Variants in MYO6 observed in about 807,000 individuals in gnomAD.
MYO6 encodes the protein myosin VI, also known as unconventional myosin-VI.
In MYO6, 74 loss-of-function variants were observed where a neutral mutation model predicts 178.7. The observed-to-expected ratio is 0.41, with a 90% CI of 0.34 to 0.50. The LOEUF (loss-of-function observed/expected upper bound fraction) is 0.50, where lower values mean the gene tolerates loss of function less well. MYO6 is among the 20% of genes least tolerant of loss of function. The probability of loss-of-function intolerance (pLI) is 0.09; values close to 1 mark genes in which losing one functional copy is unlikely to be tolerated. For synonymous variants in MYO6, 477 were observed against 504.6 expected (o/e 0.95, Z 0.73); for missense variants, 1,330 against 1,547.4 (o/e 0.86, Z 2.36).
chr6:75,798,388 G>A (rs932252532), intron 1 of MYO6, among the ~76,000 whole-genome samples: 3 of 152,066 alleles, frequency 2.0e-5, no homozygotes, highest in East Asian at 1.9e-4. Context: ...GTAGCCTTCC[G>A]TATAGTTTGA....
chr6:75,811,706 T>C (rs1366214053), intron 1 of MYO6, among the ~76,000 whole-genome samples: 1 of 152,244 alleles, frequency 6.6e-6, no homozygotes, highest in East Asian at 1.9e-4. Context: ...CTCCTGTCTA[T>C]TCTGTAATTT....
chr6:75,763,183 C>G (rs371014994), intron 1 of MYO6, among the ~76,000 whole-genome samples: 5 of 152,082 alleles, frequency 3.3e-5, no homozygotes, highest in African/African-American at 1.2e-4. Flanking sequence ...CCTGCCACGC[C>G]TGGTTAATTC....
chr6:75,823,029 A>AT (rs1772066419), intron 3 of MYO6, among the ~76,000 whole-genome samples, 178 bp downstream of exon 3: 1 of 152,300 alleles, frequency 6.6e-6, no homozygotes, highest in African/African-American at 2.4e-5. Flanking sequence ...TCACATTTGC[A>AT]TTTTGGTGAA....
intron 1 of MYO6, among the ~76,000 whole-genome samples, chr6:75,777,016 C>A (rs557880161): frequency 6.6e-6 from 1 of 152,194 alleles, no homozygotes; most frequent in East Asian, 1.9e-4. Context: ...GATAGGTATT[C>A]AGATGGTTTG....
chr6:75,879,683 CTA>C, intron 20 of MYO6, 135 bp from the exon 21 acceptor site: 11 of 1,163,960 alleles, frequency 9.5e-6, no homozygotes, highest in Non-Finnish European at 1.4e-5. Context: ...AAATATTTTC[CTA>C]TATAATATTT....
chr6:75,911,249 T>C (rs571776637), intron 32 of MYO6, among the ~76,000 whole-genome samples: 11 of 152,028 alleles, frequency 7.2e-5, no homozygotes, highest in Non-Finnish European at 1.6e-4. Flanking sequence ...AAACATACTG[T>C]TACCAAAACG....
chr6:75,910,949 G>A (rs1039998012), intron 32 of MYO6, among the ~76,000 whole-genome samples: 2 of 151,978 alleles, frequency 1.3e-5, no homozygotes, highest in Admixed American at 6.6e-5. Flanking sequence ...ATGTAGCTTC[G>A]TATTGTTGAC....
chr6:75,767,693 A>G (rs1350266247), intron 1 of MYO6, among the ~76,000 whole-genome samples: 1 of 151,136 alleles, frequency 6.6e-6, no homozygotes, highest in Non-Finnish European at 1.5e-5. Flanking sequence ...TAATTTTTGT[A>G]TTTTTGTAGT....
chr6:75,907,816 G>GTGTA lies in MYO6; in HGVS notation c.3280+109_3280+110insGTAT, dbSNP rs1354694217. 2.8e-4 allele frequency: 218 copies of GTGTA among 776,336 alleles called. No homozygotes were observed. In the African/African-American group the frequency reaches 3.5e-3, roughly 13 times the overall value. The allele number at this position is 776,336 out of a possible 1,614,324, so 48.1% of individuals were successfully genotyped here. A position where few individuals can be genotyped will look rare whatever the true frequency, so the allele number is the denominator to read the frequency against. On this transcript the variant is annotated intron_variant, in intron 31 of 34. Coordinates refer to ENST00000369977, the MANE Select transcript of MYO6 (RefSeq NM_004999.4). ...TGTATGTGTGTGTGTGTGTGTGTGT[G>GTGTA]TATGTGTGTATGTACATATAATACC... is the stretch of plus-strand genomic sequence containing the variant.
intron 1 of MYO6, among the ~76,000 whole-genome samples, chr6:75,780,083 G>A (rs961448587): frequency 2.0e-5 from 3 of 152,182 alleles, no homozygotes. Context: ...GGGTAATGGG[G>A]GCTGGAGGTC....
intron 2 of MYO6, 72 bp downstream of exon 2, chr6:75,817,736 T>C (rs2150168023): frequency 7.7e-7 from 1 of 1,293,030 alleles, no homozygotes; most frequent in Middle Eastern, 2.0e-4. Context: ...AAGAGTAAGG[T>C]CTGTCTTCTT....
At chr6:75,756,061 C>A (rs1777319910) in intron 1 of MYO6, among the ~76,000 whole-genome samples, 1 of 152,156 alleles carries the variant, frequency 6.6e-6, no homozygotes, top group Admixed American at 6.5e-5. Flanking sequence ...TATGTTCCAT[C>A]ATTTATCACA....
At chr6:75,862,837 A>G in intron 16 of MYO6, 114 bp downstream of exon 16, 1 of 1,205,130 alleles carries the variant, frequency 8.3e-7, no homozygotes, top group Non-Finnish European at 1.2e-6. Flanking sequence ...GCGTGTATAG[A>G]GCAACTATAT....
intron 18 of MYO6, 77 bp downstream of exon 18, chr6:75,867,182 A>G: frequency 8.3e-7 from 1 of 1,203,950 alleles, no homozygotes; most frequent in Non-Finnish European, 1.2e-6. Flanking sequence ...TGGATAATGT[A>G]GATCACTGTC....
intron 1 of MYO6, among the ~76,000 whole-genome samples, chr6:75,757,860 AT>A (rs1203474759): frequency 6.6e-6 from 1 of 151,514 alleles, no homozygotes; most frequent in East Asian, 1.9e-4. Flanking sequence ...CATAGTGTAC[AT>A]TCATTATTAT....
chr6:75,882,923 A>G (rs1778158593), intron 23 of MYO6, among the ~76,000 whole-genome samples: 1 of 152,178 alleles, frequency 6.6e-6, no homozygotes, highest in Admixed American at 6.5e-5. Context: ...TGTGATGATG[A>G]ACAAGCTGTC....
At chr6:75,806,614 C>T (rs1770116420) in intron 1 of MYO6, among the ~76,000 whole-genome samples, 1 of 152,172 alleles carries the variant, frequency 6.6e-6, no homozygotes, top group Non-Finnish European at 1.5e-5. Context: ...TGTGGGTTTA[C>T]TGGAATGAGG....
intron 11 of MYO6, among the ~76,000 whole-genome samples, chr6:75,854,368 C>A (rs1229034217): frequency 5.8e-5 from 8 of 136,886 alleles, no homozygotes; most frequent in Non-Finnish European, 1.2e-4. Context: ...GCAGATACCC[C>A]TAAGGGTAAC....
intron 15 of MYO6, among the ~76,000 whole-genome samples, chr6:75,861,922 C>A (rs953237147): frequency 6.6e-6 from 1 of 152,144 alleles, no homozygotes. Context: ...AGCCCACTTT[C>A]ACCTCATGCT....
Sources: allele counts gnomAD v4.1 joint callset (sites outside exome capture counted in the v4.1 genomes callset), GRCh38; gene constraint gnomAD v4.1.1; transcripts MANE v1.5; gene names NCBI Gene and HGNC (gene_info 2026-07-23, HGNC 2026-07-21).